The following GRIK3 variants were observed in gnomAD, a reference collection of about 807,000 sequenced individuals.
GRIK3 encodes the protein glutamate ionotropic receptor kainate type subunit 3, also known as glutamate receptor ionotropic, kainate 3.
GRIK3 carries 29 observed loss-of-function variants against 102.5 expected under a neutral mutation model. The ratio of observed to expected loss-of-function variants is 0.28; its 90% CI spans 0.21 to 0.39. The LOEUF (loss-of-function observed/expected upper bound fraction) is 0.39. Among genes scored for constraint, GRIK3 ranks in the 10% least tolerant of loss-of-function variants. GRIK3 has a pLI of 1.00. For missense variants in GRIK3, 908 were observed against 1,252.4 expected (o/e 0.73, Z 4.15); for synonymous variants, 511 against 504.9 (o/e 1.01, Z -0.16).
At chr1:36,804,101 G>T (rs1453208223) in intron 15 of GRIK3, among the ~76,000 whole-genome samples, 1 of 152,184 alleles carries the variant, frequency 6.6e-6, no homozygotes, top group African/African-American at 2.4e-5. Context: ...TTCCAACATC[G>T]AGTATTATCT....
At chr1:36,809,273 C>T (rs942521605) in intron 13 of GRIK3, among the ~76,000 whole-genome samples, 1 of 152,174 alleles carries the variant, frequency 6.6e-6, no homozygotes, top group African/African-American at 2.4e-5. Context: ...ATCATCCACA[C>T]ACCATGTACA....
chr1:36,835,910 C>A (rs1267035935), intron 10 of GRIK3, among the ~76,000 whole-genome samples: 1 of 152,164 alleles, frequency 6.6e-6, no homozygotes, highest in East Asian at 1.9e-4. Flanking sequence ...GTCCCTCCTG[C>A]ACCCCTCACC....
chr1:36,976,158 G>A (rs1642194171), intron 1 of GRIK3, among the ~76,000 whole-genome samples: 3 of 152,234 alleles, frequency 2.0e-5, no homozygotes, highest in African/African-American at 7.2e-5. Context: ...TAGTCAGAGA[G>A]GAAGCTGGAT....
chr1:36,833,584 C>T (rs759880897), intron 10 of GRIK3, among the ~76,000 whole-genome samples: 1 of 152,194 alleles, frequency 6.6e-6, no homozygotes. Context: ...TGGGATTGGG[C>T]GGAACCATCC....
chr1:37,002,545 C>T (rs536264642), intron 1 of GRIK3, among the ~76,000 whole-genome samples: 103 of 152,304 alleles, frequency 6.8e-4, no homozygotes, highest in African/African-American at 2.3e-3. Flanking sequence ...TGCGTAGTTT[C>T]ACTCCCTAAA....
intron 11 of GRIK3, among the ~76,000 whole-genome samples, chr1:36,824,251 G>C (rs905757888): frequency 1.4e-4 from 22 of 152,218 alleles, no homozygotes; most frequent in Admixed American, 1.2e-3. Flanking sequence ...GCGGATGCCA[G>C]AAAAGCCCGA....
At chr1:36,870,260 G>A (rs139429132) in intron 4 of GRIK3, among the ~76,000 whole-genome samples, 24 of 152,180 alleles carry the variant, frequency 1.6e-4, no homozygotes, top group African/African-American at 5.5e-4. Context: ...GCCTAGCCAG[G>A]CCTGAGCTGG....
chr1:36,919,465 C>T (rs1641443316), intron 1 of GRIK3, among the ~76,000 whole-genome samples: 1 of 151,882 alleles, frequency 6.6e-6, no homozygotes, highest in Admixed American at 6.6e-5. Flanking sequence ...TGGTGCGCTG[C>T]TTTAAAGAGT....
intron 15 of GRIK3, 136 bp downstream of exon 15, chr1:36,804,851 T>C (rs1642480262): frequency 2.6e-6 from 3 of 1,160,732 alleles, no homozygotes; most frequent in Middle Eastern, 4.1e-4. Flanking sequence ...TGGCAGGGCT[T>C]GCTGGCCGAC....
At chr1:36,804,802 G>T in intron 15 of GRIK3, 185 bp downstream of exon 15, 2 of 724,886 alleles carry the variant, frequency 2.8e-6, no homozygotes, top group South Asian at 1.9e-5. Flanking sequence ...GTGGGGCAAC[G>T]GCGATGGAAA....
intron 10 of GRIK3, among the ~76,000 whole-genome samples, chr1:36,832,285 A>G (rs868774651): frequency 6.6e-6 from 1 of 152,140 alleles, no homozygotes; most frequent in South Asian, 2.1e-4. Flanking sequence ...CCTTTCATAG[A>G]GACTCTGGGA....
At chr1:36,944,603 T>C (rs1641762523) in intron 1 of GRIK3, among the ~76,000 whole-genome samples, 1 of 152,010 alleles carries the variant, frequency 6.6e-6, no homozygotes, top group South Asian at 2.1e-4. Context: ...CTTGGAGACT[T>C]GGGGTAAGGG....
At chr1:36,917,287 C>T (rs1214295329) in intron 1 of GRIK3, among the ~76,000 whole-genome samples, 1 of 152,190 alleles carries the variant, frequency 6.6e-6, no homozygotes, top group East Asian at 1.9e-4. Flanking sequence ...CTTGATTTTA[C>T]TGGCTCATAG....
chr1:36,809,781 C>A (rs1464296210), intron 13 of GRIK3, among the ~76,000 whole-genome samples: 1 of 152,188 alleles, frequency 6.6e-6, no homozygotes, highest in Non-Finnish European at 1.5e-5. Context: ...ACAAGAAAGG[C>A]ACCAGTGGGT....
chr1:36,907,890 C>G (rs1641301823), intron 1 of GRIK3, among the ~76,000 whole-genome samples: 1 of 152,136 alleles, frequency 6.6e-6, no homozygotes, highest in African/African-American at 2.4e-5. Context: ...ACCCCTTTCT[C>G]TAGGGAATTG....
In GRIK3 at chr1:36,936,833, C is replaced by T. The variant is rs142941232; in HGVS notation, c.116-45737G>A. 1.9e-4 allele frequency among the ~76,000 whole-genome samples: 29 copies of T among 150,090 alleles called. No individual in the cohort carries two copies. The East Asian group carries it at 5.7e-3, about 30-fold the overall frequency. On this transcript the variant is annotated intron_variant, in intron 1 of 15. Coordinates refer to ENST00000373091, the MANE Select transcript of GRIK3 (RefSeq NM_000831.4). ...CCTCATTTTTTTTTTTCTGATGGAACATTGGGATGAGAAGGTGAGGTAAAT... is the reference window on the plus strand; with the variant it reads ...CCTCATTTTTTTTTTTCTGATGGAATATTGGGATGAGAAGGTGAGGTAAAT...
chr1:36,989,018 C>A (rs1642336020), intron 1 of GRIK3, among the ~76,000 whole-genome samples: 1 of 152,104 alleles, frequency 6.6e-6, no homozygotes, highest in Non-Finnish European at 1.5e-5. Context: ...CCCTACACAC[C>A]CTTCAACCCA....
At chr1:36,809,934 A>G (rs957811773) in intron 13 of GRIK3, among the ~76,000 whole-genome samples, 1 of 152,176 alleles carries the variant, frequency 6.6e-6, no homozygotes, top group Non-Finnish European at 1.5e-5. Context: ...TCCAGCACCA[A>G]CTAAATTATT....
intron 5 of GRIK3, among the ~76,000 whole-genome samples, chr1:36,865,470 T>C (rs1640773409): frequency 1.3e-5 from 2 of 151,980 alleles, no homozygotes; most frequent in East Asian, 1.9e-4. Context: ...GATCACGAGG[T>C]AGAGGCCTCG....
Sources: allele counts gnomAD v4.1 joint callset (sites outside exome capture counted in the v4.1 genomes callset), GRCh38; gene constraint gnomAD v4.1.1; transcripts MANE v1.5; gene names NCBI Gene and HGNC (gene_info 2026-07-23, HGNC 2026-07-21).